ANXA8: variants seen among roughly 807,000 people sequenced by gnomAD.
ANXA8 encodes the protein VAC-beta.
In ANXA8, 9 loss-of-function variants were observed where a neutral mutation model predicts 26.8. That is an observed-to-expected ratio of 0.34 (90% CI 0.20 to 0.59). The LOEUF is 0.59. Ranked by LOEUF, ANXA8 falls within the 20% of genes least tolerant of loss-of-function variation. ANXA8 has a pLI of 0.84. For synonymous variants in ANXA8, 39 were observed against 94.8 expected (o/e 0.41, Z 3.42); for missense variants, 83 against 238.5 (o/e 0.35, Z 4.29).
chr10:47,721,209 C>A, the ANXA8 span, among the ~76,000 whole-genome samples: 1 of 141,570 alleles, frequency 7.1e-6, no homozygotes. Flanking sequence ...ATAGTTAAGG[C>A]CCCTCAAAAG....
the ANXA8 span, chr10:47,503,495 T>C: frequency 2.5e-6 from 4 of 1,607,492 alleles, no homozygotes; most frequent in Admixed American, 5.0e-5. Flanking sequence ...GAATAGTTAT[T>C]TAAACTCCCA....
chr10:47,477,217 T>C, intron 3 of ANXA8, 23 bp from the exon 4 acceptor site: 1 of 1,587,566 alleles, frequency 6.3e-7, no homozygotes, highest in African/African-American at 1.3e-5. Context: ...CAGGGAAAGG[T>C]GATATTTGTC....
chr10:47,738,536 G>A, the ANXA8 span, among the ~76,000 whole-genome samples: 4 of 151,332 alleles, frequency 2.6e-5, no homozygotes, highest in Non-Finnish European at 4.4e-5. Context: ...CTTAGCTTTA[G>A]CTTTATTTAG....
At chr10:47,664,603 A>T in the ANXA8 span, among the ~76,000 whole-genome samples, 1 of 150,422 alleles carries the variant, frequency 6.6e-6, no homozygotes, top group Non-Finnish European at 1.5e-5. Context: ...ATTCTCAGTA[A>T]TTTTTGCAAT....
chr10:47,500,437 C>A, the ANXA8 span, among the ~76,000 whole-genome samples: 1 of 150,358 alleles, frequency 6.7e-6, no homozygotes, highest in Admixed American at 6.6e-5. Flanking sequence ...CTGGAACCAT[C>A]GGCAGCTGCC....
chr10:47,653,425 T>A, the ANXA8 span, among the ~76,000 whole-genome samples: 1 of 151,184 alleles, frequency 6.6e-6, no homozygotes, highest in South Asian at 2.1e-4. Flanking sequence ...CAAAATATAT[T>A]TTGGAGATAG....
chr10:47,593,537 T>C, the ANXA8 span, among the ~76,000 whole-genome samples: 1 of 149,666 alleles, frequency 6.7e-6, no homozygotes, highest in Non-Finnish European at 1.5e-5. Flanking sequence ...TACTCTTAAG[T>C]CCATCTACCA....
At chr10:47,556,946 T>C in the ANXA8 span, among the ~76,000 whole-genome samples, 1 of 149,672 alleles carries the variant, frequency 6.7e-6, no homozygotes, top group Non-Finnish European at 1.5e-5. Context: ...GCCTACTTTA[T>C]ACAGAACAGT....
chr10:47,650,369 C>G, the ANXA8 span, among the ~76,000 whole-genome samples: 1 of 147,840 alleles, frequency 6.8e-6, no homozygotes, highest in African/African-American at 2.5e-5. Context: ...TTCTATGTTT[C>G]AAAGGACATC....
chr10:47,899,573 G>A, the ANXA8 span, among the ~76,000 whole-genome samples: 18 of 52,950 alleles, frequency 3.4e-4, 6 homozygotes, highest in Non-Finnish European at 5.8e-4. Context: ...GCAGTGGCAC[G>A]ATCTCAGCTC....
the ANXA8 span, among the ~76,000 whole-genome samples, chr10:47,624,092 A>G: frequency 9.6e-6 from 1 of 104,208 alleles, no homozygotes; most frequent in Admixed American, 1.0e-4. Context: ...AAAAAAAAAA[A>G]TTAGCCGGGC....
the ANXA8 span, among the ~76,000 whole-genome samples, chr10:47,949,467 G>A: frequency 6.7e-6 from 1 of 149,476 alleles, no homozygotes; most frequent in Non-Finnish European, 1.5e-5. Context: ...GACAAAGGAT[G>A]AAAAACACTT....
At chr10:47,523,804 C>A in the ANXA8 span, among the ~76,000 whole-genome samples, 1 of 148,534 alleles carries the variant, frequency 6.7e-6, no homozygotes, top group Admixed American at 6.7e-5. Flanking sequence ...AGGTTGTGAA[C>A]CCAACAAGCG....
the ANXA8 span, among the ~76,000 whole-genome samples, chr10:47,657,054 C>A: frequency 6.8e-6 from 1 of 146,308 alleles, no homozygotes; most frequent in East Asian, 2.1e-4. Context: ...ATTTATTTTT[C>A]TATTTGAGAG....
the ANXA8 span, among the ~76,000 whole-genome samples, chr10:47,630,532 G>C: frequency 6.8e-6 from 1 of 147,778 alleles, no homozygotes; most frequent in Non-Finnish European, 1.5e-5. Flanking sequence ...GACAATGTTC[G>C]AGATTGAAGC....
At chr10:47,952,730 AT>A in the ANXA8 span, among the ~76,000 whole-genome samples, 1 of 147,678 alleles carries the variant, frequency 6.8e-6, no homozygotes, top group Non-Finnish European at 1.5e-5. Context: ...TATCTACTTT[AT>A]TTCAAGATTA....
the ANXA8 span, among the ~76,000 whole-genome samples, chr10:47,652,137 G>T: frequency 6.6e-6 from 1 of 152,068 alleles, no homozygotes; most frequent in South Asian, 2.1e-4. Flanking sequence ...TAGGAGATGG[G>T]GAGGGAGGCA....
chr10:47,593,913 C>T, the ANXA8 span, among the ~76,000 whole-genome samples: 2 of 144,914 alleles, frequency 1.4e-5, no homozygotes, highest in African/African-American at 2.8e-5. Context: ...GCTGCCAGCA[C>T]GGCTAGGACA....
At chr10:47,944,822 G>A in the ANXA8 span, among the ~76,000 whole-genome samples, 3 of 149,100 alleles carry the variant, frequency 2.0e-5, no homozygotes, top group African/African-American at 7.6e-5. Context: ...TTAGCAGTGT[G>A]AGAATGAGCT....
Sources: allele counts gnomAD v4.1 joint callset (sites outside exome capture counted in the v4.1 genomes callset), GRCh38; gene constraint gnomAD v4.1.1; transcripts MANE v1.5; gene names NCBI Gene and HGNC (gene_info 2026-07-23, HGNC 2026-07-21).